The following CACNA1C variants were observed in gnomAD, a reference collection of about 807,000 sequenced individuals.
CACNA1C encodes calcium voltage-gated channel subunit alpha1 C, also known as voltage-dependent L-type calcium channel subunit alpha-1C.
In CACNA1C, 30 loss-of-function variants were observed where a neutral mutation model predicts 229.0. The observed-to-expected ratio is 0.13, with a 90% confidence interval of 0.10 to 0.18. The LOEUF is 0.18. CACNA1C is among the 10% of genes least tolerant of loss of function. The pLI, the probability that CACNA1C is intolerant of heterozygous loss-of-function variation, is 1.00. For synonymous variants in CACNA1C, 1,114 were observed against 1,132.5 expected (o/e 0.98, Z 0.33); for missense variants, 1,658 against 2,845.0 (o/e 0.58, Z 9.49).
chr12:2,027,340 T>C (rs1230925198), intron 1 of CACNA1C, among the ~76,000 whole-genome samples: 1 of 152,208 alleles, frequency 6.6e-6, no homozygotes, highest in Non-Finnish European at 1.5e-5. Context: ...CAATCTTTCT[T>C]CTCTCCATCT....
intron 3 of CACNA1C, among the ~76,000 whole-genome samples, chr12:2,251,512 A>G (rs1158489250): frequency 6.6e-6 from 1 of 152,192 alleles, no homozygotes; most frequent in Admixed American, 6.5e-5. Context: ...GTGCTTATCT[A>G]AGTGGCACTG....
intron 3 of CACNA1C, among the ~76,000 whole-genome samples, chr12:2,227,274 G>A (rs927300101): frequency 6.6e-6 from 1 of 152,180 alleles, no homozygotes; most frequent in East Asian, 1.9e-4. Context: ...AGCATTTCAA[G>A]CTTTGAGTGC....
intron 10 of CACNA1C, among the ~76,000 whole-genome samples, chr12:2,550,825 G>A (rs1236315748): frequency 1.3e-5 from 2 of 152,184 alleles, no homozygotes; most frequent in Non-Finnish European, 2.9e-5. Context: ...CTTGAGCGTG[G>A]CCTGGGAGCC....
At position 2,678,014 on chromosome 12, in the gene CACNA1C, C is replaced by T; in HGVS notation, c.5091+147C>T. ...CAGGCTCTTCCTGATGAGCTGTCTC[C>T]TCACCCCTTTGCCTTTTCCAAGCCT... is the stretch of plus-strand genomic sequence containing the variant. On this transcript the variant is annotated intron_variant, in intron 41 of 46. Coordinates refer to ENST00000399655, the MANE Select transcript of CACNA1C (RefSeq NM_000719.7). The surrounding 1 kb of genome is among the most constrained non-coding windows in gnomAD (Gnocchi z 4.1). 1 of 910,064 alleles carries T rather than the reference C, an allele frequency of 1.1e-6. No individual in the cohort carries two copies. The highest frequency in any genetic ancestry group is 1.7e-6 in the Non-Finnish European group (1 of 603,658). The allele number at this position is 910,064 out of a possible 1,614,324, so 56.4% of individuals were successfully genotyped here.
rs534207223 is a variant in CACNA1C, at chr12:2,424,021, G to A, written c.478-24955G>A. Among the ~76,000 whole-genome samples, 8 of 152,130 alleles carry A rather than the reference G, an allele frequency of 5.3e-5. 1 individual carries two copies. The highest frequency in any genetic ancestry group is 1.2e-4 in the African/African-American group (5 of 41,536). ...CCTCCTCTTGGGAGAGACTGCCTGCGATGTCAGTGTTTCTTCAGTAACCCG... is the reference window on the plus strand; with the variant it reads ...CCTCCTCTTGGGAGAGACTGCCTGCAATGTCAGTGTTTCTTCAGTAACCCG... On this transcript the variant is annotated intron_variant, in intron 3 of 46. Coordinates refer to ENST00000399655, the MANE Select transcript of CACNA1C (RefSeq NM_000719.7).
chr12:2,380,218 A>C (rs999670725), intron 3 of CACNA1C, among the ~76,000 whole-genome samples: 12 of 152,048 alleles, frequency 7.9e-5, no homozygotes, highest in African/African-American at 2.9e-4. Flanking sequence ...TCTGGAAGAC[A>C]GATGTCGTCC....
chr12:2,251,419 T>C (rs1200976269), intron 3 of CACNA1C, among the ~76,000 whole-genome samples: 1 of 152,158 alleles, frequency 6.6e-6, no homozygotes, highest in East Asian at 1.9e-4. Context: ...AATTCTCCCC[T>C]GCAAGGGGAG....
chr12:2,504,734 TC>T lies in CACNA1C; in HGVS notation c.1114-104del. 2.6e-6 allele frequency: 2 copies of T among 782,016 alleles called. No homozygotes were observed. Among genetic ancestry groups the T allele is most frequent in the Non-Finnish European group, 2.2e-6 (1 of 448,128 alleles). The allele number at this position is 782,016 out of a possible 1,614,324, so 48.4% of individuals were successfully genotyped here. ...TGGCCTCTGATTTGCACCTAGAGGGTCCCCGGATCCTGGCGCTGCGTGGGTC... is the reference window on the plus strand; with the variant it reads ...TGGCCTCTGATTTGCACCTAGAGGGTCCCGGATCCTGGCGCTGCGTGGGTC... On this transcript the variant is annotated intron_variant, in intron 7 of 46. Coordinates refer to ENST00000399655, the MANE Select transcript of CACNA1C (RefSeq NM_000719.7). The surrounding 1 kb of genome is among the most constrained non-coding windows in gnomAD (Gnocchi z 6.8).
chr12:2,186,538 C>T (rs1261513048), intron 3 of CACNA1C, among the ~76,000 whole-genome samples: 1 of 152,150 alleles, frequency 6.6e-6, no homozygotes, highest in Non-Finnish European at 1.5e-5. Context: ...AGACTAAAAA[C>T]CCTGGGGGTC....
rs964303784 is a variant in CACNA1C, at chr12:2,488,252, C to T, written c.916+1990C>T. ...TGCCGGTGGTGGGCTCCTGCAAGGG[C>T]GGGTGAGGATAAGCGGCCCTGAATA... is the stretch of plus-strand genomic sequence containing the variant. On this transcript the variant is annotated intron_variant, in intron 6 of 46. Coordinates refer to ENST00000399655, the MANE Select transcript of CACNA1C (RefSeq NM_000719.7). The surrounding 1 kb of genome is among the most constrained non-coding windows in gnomAD (Gnocchi z 4.0). Among the ~76,000 whole-genome samples the T allele has an allele frequency of 6.6e-5, 10 of 152,108 alleles. No homozygotes were observed. The highest frequency in any genetic ancestry group is 2.6e-4 in the Admixed American group (4 of 15,276).
rs1267341442 is a variant in CACNA1C at position 2,275,410 on chromosome 12, G to A, written c.477+154980G>A. Among the ~76,000 whole-genome samples, 3 of 152,160 alleles carry A rather than the reference G, an allele frequency of 2.0e-5. No homozygotes were observed. In the East Asian group the frequency reaches 5.8e-4, roughly 29 times the overall value. On this transcript the variant is annotated intron_variant, in intron 3 of 46. Transcript: ENST00000399655. The surrounding 1 kb of genome is among the most constrained non-coding windows in gnomAD (Gnocchi z 4.1). ...TTCCCGGAAGGCTCGTGCCCGCACA[G>A]ATTGTCTGGTGAGCCCGCCAGCTGT...
rs1179413463 is a variant in CACNA1C at position 2,108,520 on chromosome 12, T to G, written c.50-6704T>G. Among the ~76,000 whole-genome samples, 1 of 152,208 alleles carries G rather than the reference T, an allele frequency of 6.6e-6. No homozygotes were observed. On this transcript the variant is annotated intron_variant, in intron 1 of 46. Transcript: ENST00000399655. This position sits in a 1 kb window ranked among gnomAD's most constrained non-coding sequence, Gnocchi z 5.3. ...GATTCAGTTCTTGATTGGCAAAAGT[T>G]GTGTCAGGAATTCTCGCTCCAAGGG...
intron 3 of CACNA1C, among the ~76,000 whole-genome samples, chr12:2,373,878 C>T (rs1243954989): frequency 1.3e-5 from 2 of 152,212 alleles, no homozygotes; most frequent in African/African-American, 2.4e-5. Flanking sequence ...TCCCATTTTT[C>T]CTCTCTTGTG....
At chr12:2,419,614 G>A (rs190102664) in intron 3 of CACNA1C, among the ~76,000 whole-genome samples, 3 of 152,338 alleles carry the variant, frequency 2.0e-5, no homozygotes, top group African/African-American at 4.8e-5. Flanking sequence ...GGGCCCCGCA[G>A]TCCAGAATGT....
chr12:2,190,876 G>GC (rs1327753854), intron 3 of CACNA1C, among the ~76,000 whole-genome samples: 2 of 152,150 alleles, frequency 1.3e-5, no homozygotes, highest in African/African-American at 2.4e-5. Context: ...CTTGGAACCC[G>GC]CCCCCTTTTA....
In CACNA1C at chr12:2,053,385, A is replaced by G. The variant is rs1228767865; in HGVS notation, c.-178A>G. The G allele has an allele frequency of 1.2e-5, 17 of 1,394,292 alleles. No homozygotes were observed. The highest frequency in any genetic ancestry group is 2.9e-5 in the African/African-American group (2 of 68,078). The allele number at this position is 1,394,292 out of a possible 1,614,324, so 86.4% of individuals were successfully genotyped here. On this transcript the variant is annotated 5_prime_UTR_variant, in exon 1 of 47. Transcript: ENST00000399655. The surrounding 1 kb of genome is among the most constrained non-coding windows in gnomAD (Gnocchi z 5.8). ...GGAGCAGTTTTTGGGGTTTGATGCC[A>G]TAATGGGAATCAGGTAATCGTCGGC...
intron 22 of CACNA1C, among the ~76,000 whole-genome samples, chr12:2,604,639 C>G (rs1601801186): frequency 6.6e-6 from 1 of 152,184 alleles, no homozygotes; most frequent in Non-Finnish European, 1.5e-5. Context: ...CTTGCAAAGA[C>G]CTTCTGAGCT....
chr12:2,664,319 A>G (rs2095950921), intron 34 of CACNA1C, among the ~76,000 whole-genome samples: 1 of 152,240 alleles, frequency 6.6e-6, no homozygotes, highest in Admixed American at 6.5e-5. Context: ...CTTGGAGGTC[A>G]TGGAATATCT....
chr12:2,003,430 A>G (rs922209693), intron 1 of CACNA1C, among the ~76,000 whole-genome samples: 5 of 152,228 alleles, frequency 3.3e-5, no homozygotes, highest in Non-Finnish European at 5.9e-5. Flanking sequence ...ATGGATGATG[A>G]ATATTATTTG....
Sources: gnomAD v4.1 joint callset for allele counts (sites outside exome capture counted in the v4.1 genomes callset) on GRCh38, gnomAD v4.1.1 for gene constraint, Gnocchi (gnomAD v3.1) non-coding constraint, MANE v1.5 for transcripts, NCBI Gene and HGNC (gene_info 2026-07-23, HGNC 2026-07-21) for gene names.